Variants in SOD2 observed in about 807,000 individuals in gnomAD.
The protein encoded by SOD2 is superoxide dismutase [Mn], mitochondrial.
In SOD2, 11 loss-of-function variants were observed where a neutral mutation model predicts 27.0. That is an observed-to-expected ratio of 0.41 (90% confidence interval 0.26 to 0.67). The LOEUF (loss-of-function observed/expected upper bound fraction) is 0.67, where lower values mean the gene tolerates loss of function less well. SOD2 is among the 30% of genes least tolerant of loss of function. The pLI, the probability that SOD2 is intolerant of heterozygous loss-of-function variation, is 0.34. For synonymous variants in SOD2, 105 were observed against 103.0 expected, an observed-to-expected ratio of 1.02 and a Z score of -0.12; for missense variants, 250 against 274.5, an observed-to-expected ratio of 0.91 and a Z score of 0.63.
intron 1 of SOD2, among the ~76,000 whole-genome samples, chr6:159,750,416 T>C (rs1378548957): frequency 6.6e-6 from 1 of 152,234 alleles, no homozygotes; most frequent in Non-Finnish European, 1.5e-5. Context: ...TGTATAAAAT[T>C]GAAATACTGT....
At position 159,675,838 on chromosome 6, in the gene SOD2, C is replaced by G. The variant is rs1423859515; in HGVS notation, c.*6655G>C. On this transcript the variant is annotated 3_prime_UTR_variant, in exon 5 of 5. Transcript: ENST00000538183. The stretch of plus-strand genomic sequence containing the variant: ...CCTACAAAATGGGAGAAAATTTTTG[C>G]AATCTACTCATCTGACAAAGGGCTA... 1 of 152,124 alleles carries G rather than the reference C, an allele frequency of 6.6e-6. No homozygotes were observed. Among genetic ancestry groups the G allele is most frequent in the Non-Finnish European group, 1.5e-5 (1 of 68,030 alleles). 9.4% of individuals were successfully genotyped at this position (152,124 alleles called of 1,614,324 possible).
chr6:159,695,837 G>A (rs1777413108), upstream of SOD2, among the ~76,000 whole-genome samples: 2 of 152,034 alleles, frequency 1.3e-5, no homozygotes, highest in Admixed American at 1.3e-4. Flanking sequence ...GGTACTGAAT[G>A]GCCTCAGAAG....
At chr6:159,730,035 T>G (rs1340209874), upstream of SOD2, among the ~76,000 whole-genome samples, 1 of 152,238 alleles carries the variant, frequency 6.6e-6, no homozygotes, top group Non-Finnish European at 1.5e-5. Flanking sequence ...CTCTGAATTA[T>G]CTACATAAAT....
In SOD2 at chr6:159,669,398, G is replaced by A. The variant is rs962035451; in HGVS notation, c.*13095C>T. 2.6e-5 allele frequency: 4 copies of A among 152,204 alleles called. No individual in the cohort carries two copies. Among genetic ancestry groups the A allele is most frequent in the Non-Finnish European group, 5.9e-5 (4 of 68,030 alleles). The allele number at this position is 152,204 out of a possible 1,614,324, so 9.4% of individuals were successfully genotyped here. ...CTAGAAAATCTGTCCAATGCTGAGA[G>A]TAGAGTGAAGTCCTCAACTACTATT... On this transcript the variant is annotated 3_prime_UTR_variant, in exon 5 of 5. Transcript: ENST00000538183.
At chr6:159,721,121 GC>G (rs1778032029) in intron 1 of SOD2, among the ~76,000 whole-genome samples, 1 of 150,698 alleles carries the variant, frequency 6.6e-6, no homozygotes, top group African/African-American at 2.4e-5. Context: ...AGGCTGGAGT[GC>G]AATGGCACAA....
At chr6:159,722,013 T>C (rs1778051146) in intron 1 of SOD2, among the ~76,000 whole-genome samples, 2 of 151,952 alleles carry the variant, frequency 1.3e-5, no homozygotes, top group South Asian at 2.1e-4. Flanking sequence ...GCTGGCATCC[T>C]ATAGTAAAGA....
At chr6:159,731,693 C>T (rs1778580270), upstream of SOD2, among the ~76,000 whole-genome samples, 1 of 152,104 alleles carries the variant, frequency 6.6e-6, no homozygotes, top group Non-Finnish European at 1.5e-5. Context: ...GTGCCAGTTA[C>T]CATGCTAAAG....
chr6:159,734,316 A>G (rs557437958), intron 1 of SOD2, among the ~76,000 whole-genome samples: 2 of 151,522 alleles, frequency 1.3e-5, no homozygotes, highest in Admixed American at 6.6e-5. Context: ...ACCAGCCTCA[A>G]GTAGCTTTCG....
intron 1 of SOD2, among the ~76,000 whole-genome samples, chr6:159,754,841 A>C (rs141015880): frequency 0.01 from 1,578 of 152,220 alleles, 26 homozygotes; most frequent in African/African-American, 0.037. Context: ...TAAGTATCTG[A>C]CTTCCCCCAA....
intron 1 of SOD2, among the ~76,000 whole-genome samples, chr6:159,733,662 C>T (rs1378275538): frequency 6.6e-6 from 1 of 151,690 alleles, no homozygotes; most frequent in Admixed American, 6.6e-5. Flanking sequence ...TGCCTGTAGT[C>T]CCAGCACTTG....
At chr6:159,710,908 A>G (rs1777730997) in intron 1 of SOD2, among the ~76,000 whole-genome samples, 1 of 146,086 alleles carries the variant, frequency 6.8e-6, no homozygotes, top group South Asian at 2.2e-4. Context: ...ACCACCACTT[A>G]CATTGCTCTG....
chr6:159,755,749 GT>G (rs1402868444), intron 1 of SOD2: 283 of 321,312 alleles, frequency 8.8e-4, no homozygotes, highest in African/African-American at 2.1e-3. Context: ...TTTTTTCTTT[GT>G]TTTTTTTTTC....
chr6:159,717,695 C>A lies in SOD2; in HGVS notation c.-116+9434G>T, dbSNP rs147347565. 5.3e-5 allele frequency among the ~76,000 whole-genome samples: 8 copies of A among 152,246 alleles called. 1 individual carries two copies. In the East Asian group the frequency reaches 1.5e-3, roughly 29 times the overall value. On this transcript the variant is annotated intron_variant, in intron 1 of 2. Transcript: ENST00000401980. ...GCTGTACTGTTGTATCTGTTAATAA[C>A]CTCTGGCTGTCCCCTCCCTACCCCT...
intron 1 of SOD2, among the ~76,000 whole-genome samples, chr6:159,715,419 C>T (rs913151401): frequency 6.6e-6 from 1 of 152,094 alleles, no homozygotes; most frequent in South Asian, 2.1e-4. Flanking sequence ...TGTCAACAGT[C>T]ACATAGTTTT....
chr6:159,697,034 G>GACACACTGAC (rs1777432510), upstream of SOD2, among the ~76,000 whole-genome samples: 1 of 132,648 alleles, frequency 7.5e-6, no homozygotes, highest in African/African-American at 2.8e-5. Context: ...AGGAGACCCT[G>GACACACTGAC]ACACACACAC....
At chr6:159,727,494 G>T, upstream of SOD2, 1 of 993,430 alleles carries the variant, frequency 1.0e-6, no homozygotes, top group African/African-American at 1.7e-5. Flanking sequence ...CCGGGCGGCG[G>T]GGCCTGGTTT....
At chr6:159,687,998 CA>C (rs1307732659) in intron 3 of SOD2, 127 bp downstream of exon 3, 4 of 662,148 alleles carry the variant, frequency 6.0e-6, no homozygotes, top group Non-Finnish European at 8.1e-6. Context: ...GCAACAAGAG[CA>C]AAACTCTTGT....
At chr6:159,692,478 G>A (rs147606309) in intron 2 of SOD2, 183 bp downstream of exon 2, 1 of 1,442,642 alleles carries the variant, frequency 6.9e-7, no homozygotes. Context: ...ACCCATCGAG[G>A]CACTCCTTCT....
chr6:159,742,785 G>T (rs771735945), intron 1 of SOD2, among the ~76,000 whole-genome samples: 9 of 152,096 alleles, frequency 5.9e-5, no homozygotes, highest in Non-Finnish European at 1.2e-4. Context: ...GCTAGGCACA[G>T]TGGCTCACAC....
Sources: allele counts gnomAD v4.1 joint callset (sites outside exome capture counted in the v4.1 genomes callset), GRCh38; gene constraint gnomAD v4.1.1; transcripts MANE v1.5; gene names NCBI Gene and HGNC (gene_info 2026-07-23, HGNC 2026-07-21).